Variants in PREP observed in about 807,000 individuals in gnomAD.
The protein encoded by PREP is dJ355L5.1 (prolyl endopeptidase).
In PREP, 29 loss-of-function variants were observed where a neutral mutation model predicts 87.6. That is an observed-to-expected ratio of 0.33 (90% CI 0.25 to 0.45). The LOEUF is 0.45. PREP is among the 20% of genes least tolerant of loss of function. The pLI is 1.00. For synonymous variants in PREP, 337 were observed against 328.6 expected (o/e 1.03, Z -0.28); for missense variants, 695 against 886.5 (o/e 0.78, Z 2.74).
chr6:105,336,995 C>T (rs1771500299), intron 7 of PREP, among the ~76,000 whole-genome samples: 1 of 151,800 alleles, frequency 6.6e-6, no homozygotes, highest in South Asian at 2.1e-4. Flanking sequence ...AGAAGTTCTA[C>T]TTAGTCATTT....
rs150938968 is a variant in PREP at position 105,278,338 on chromosome 6, G to A, written c.1939C>T (p.Leu647Phe). Residue 647 changes from leucine to phenylalanine, a missense_variant, in exon 15 of 15, where the codon CTT (leucine) becomes TTT (phenylalanine). By Grantham distance (22) the Leu-to-Phe change is conservative. Coordinates refer to ENST00000652536, the MANE Select transcript of PREP (RefSeq NM_002726.5). The surrounding 1 kb of genome is among the most constrained non-coding windows in gnomAD (Gnocchi z 4.2). The stretch of plus-strand genomic sequence containing the variant: ...GTGGCAATGAACTTCAGGGAGTGAA[G>A]CGGGACCACGCGGTCATCATGGTCA... ...TADHDDRVVP[L>F]HSLKFIATLQ... 1.9e-6 allele frequency: 3 copies of A among 1,614,094 alleles called. No homozygotes were observed. The highest frequency in any genetic ancestry group is 2.7e-5 in the African/African-American group (2 of 74,934).
intron 8 of PREP, 125 bp downstream of exon 8, chr6:105,333,189 C>T (rs1771383697): frequency 1.2e-6 from 1 of 866,506 alleles, no homozygotes. Flanking sequence ...ACACTTCATT[C>T]CTGATGATTA....
chr6:105,289,028 C>T lies in PREP; in HGVS notation c.1318-134G>A, dbSNP rs368452545. On this transcript the variant is annotated intron_variant, in intron 10 of 14. Coordinates refer to ENST00000652536, the MANE Select transcript of PREP (RefSeq NM_002726.5). ...GTGAAAACCTAGTACCTCTCAAGGG[C>T]TATTTGGTGAAGCACCTTTCAGTTT... 7 of 854,220 alleles carry T rather than the reference C, an allele frequency of 8.2e-6. No homozygotes were observed. The South Asian group carries it at 1.1e-4, about 13-fold the overall frequency. The allele number at this position is 854,220 out of a possible 1,614,324, so 52.9% of individuals were successfully genotyped here.
At chr6:105,290,656 C>G (rs1770281534) in intron 10 of PREP, among the ~76,000 whole-genome samples, 1 of 152,022 alleles carries the variant, frequency 6.6e-6, no homozygotes, top group South Asian at 2.1e-4. Flanking sequence ...TATCACTTTT[C>G]TTGCTACCAT....
intron 6 of PREP, among the ~76,000 whole-genome samples, chr6:105,358,098 CTTCT>C (rs773657872): frequency 2.0e-5 from 3 of 151,928 alleles, no homozygotes; most frequent in South Asian, 4.2e-4. Flanking sequence ...TCATGGCTTC[CTTCT>C]ATTTTAAATC....
chr6:105,390,651 A>G (rs1395478166), intron 2 of PREP, among the ~76,000 whole-genome samples: 1 of 152,234 alleles, frequency 6.6e-6, no homozygotes, highest in East Asian at 1.9e-4. Context: ...CATTCAGCTA[A>G]AAGGGTGAAG....
chr6:105,381,492 G>A lies in PREP; in HGVS notation c.121-3973C>T, dbSNP rs180759240. ...AAAGAAAATGGAAGTGTTACATGGT[G>A]ATAAGGAAGCAGGGTGAGGAAAACA... On this transcript the variant is annotated intron_variant, in intron 2 of 14. Transcript: ENST00000652536. 5.8e-4 allele frequency among the ~76,000 whole-genome samples: 89 copies of A among 152,294 alleles called. 1 individual carries two copies. The highest frequency in any genetic ancestry group is 2.0e-3 in the African/African-American group (85 of 41,576).
chr6:105,325,116 C>T (rs187205493), intron 9 of PREP, among the ~76,000 whole-genome samples: 2 of 152,136 alleles, frequency 1.3e-5, no homozygotes, highest in Non-Finnish European at 2.9e-5. Context: ...AAAAGGCTAT[C>T]TCTTGTGGTA....
Position 105,357,913 on chromosome 6 carries a change from G to GTTT in PREP, c.718-4839_718-4837dup, listed in dbSNP as rs796340115. 5.0e-3 allele frequency among the ~76,000 whole-genome samples: 692 copies of GTTT among 138,390 alleles called. 1 individual carries two copies. The highest frequency in any genetic ancestry group is 0.017 in the African/African-American group (638 of 38,086). The allele number at this position is 138,390 out of a possible 152,430, so 90.8% of individuals were successfully genotyped here. On this transcript the variant is annotated intron_variant, in intron 6 of 14. Coordinates refer to ENST00000652536, the MANE Select transcript of PREP (RefSeq NM_002726.5). ...GTTTGAATTCCGGTTCAACAATACT[G>GTTT]TTTTTTTTTTTTTTTCTCTAAGTGA...
chr6:105,328,368 C>T (rs571919596), intron 9 of PREP, among the ~76,000 whole-genome samples: 1 of 152,194 alleles, frequency 6.6e-6, no homozygotes, highest in East Asian at 1.9e-4. Context: ...AGTGATTCTC[C>T]TGCCTCAGCC....
intron 2 of PREP, among the ~76,000 whole-genome samples, chr6:105,392,982 A>G (rs1773195780): frequency 6.6e-6 from 1 of 152,234 alleles, no homozygotes; most frequent in Non-Finnish European, 1.5e-5. Context: ...TAAGCAGTTA[A>G]TGATGCCAGT....
chr6:105,392,177 C>A (rs1238527277), intron 2 of PREP, among the ~76,000 whole-genome samples: 2 of 151,150 alleles, frequency 1.3e-5, no homozygotes, highest in Non-Finnish European at 3.0e-5. Context: ...TCCCTGGGAC[C>A]ACAGGTGCCC....
intron 6 of PREP, among the ~76,000 whole-genome samples, chr6:105,355,729 C>T (rs1472430297): frequency 6.6e-6 from 1 of 152,202 alleles, no homozygotes; most frequent in Non-Finnish European, 1.5e-5. Flanking sequence ...CATACTGTTA[C>T]ATAACTTGGT....
At chr6:105,358,542 C>G (rs1324983992) in intron 6 of PREP, among the ~76,000 whole-genome samples, 2 of 152,100 alleles carry the variant, frequency 1.3e-5, no homozygotes, top group Non-Finnish European at 2.9e-5. Flanking sequence ...TTCACTGGTA[C>G]TAAGCCTTTC....
intron 10 of PREP, among the ~76,000 whole-genome samples, chr6:105,290,835 T>C (rs7751260): frequency 0.24 from 36,554 of 152,094 alleles, 6,495 homozygotes; most frequent in African/African-American, 0.5. Flanking sequence ...AAAAACAATA[T>C]TTTGAAAGCG....
chr6:105,359,752 G>T (rs1394251473), intron 6 of PREP, among the ~76,000 whole-genome samples: 1 of 152,092 alleles, frequency 6.6e-6, no homozygotes, highest in Admixed American at 6.5e-5. Context: ...ATGACAACTG[G>T]TTAATGTAGG....
intron 10 of PREP, among the ~76,000 whole-genome samples, chr6:105,317,081 T>C (rs954004517): frequency 1.3e-5 from 2 of 151,700 alleles, no homozygotes; most frequent in Admixed American, 6.6e-5. Flanking sequence ...GAGTGGCTAG[T>C]ACTACAGTTG....
chr6:105,290,320 T>A (rs1277696708), intron 10 of PREP, among the ~76,000 whole-genome samples: 6 of 152,072 alleles, frequency 3.9e-5, no homozygotes, highest in Admixed American at 3.9e-4. Flanking sequence ...AGCCTTCAAC[T>A]CAAGAGTTAG....
At chr6:105,394,587 T>C (rs1311554569) in intron 2 of PREP, among the ~76,000 whole-genome samples, 2 of 152,196 alleles carry the variant, frequency 1.3e-5, no homozygotes, top group Non-Finnish European at 2.9e-5. Flanking sequence ...GGGAAATAAC[T>C]GAAAATTTGG....
Sources: allele counts gnomAD v4.1 joint callset (sites outside exome capture counted in the v4.1 genomes callset), GRCh38; gene constraint gnomAD v4.1.1; non-coding constraint Gnocchi (gnomAD v3.1); transcripts MANE v1.5; gene names NCBI Gene and HGNC (gene_info 2026-07-23, HGNC 2026-07-21).